SGMS2: variants seen among roughly 807,000 people sequenced by gnomAD.
SGMS2 encodes the protein sphingomyelin synthase 2.
Under a neutral mutation model 43.8 loss-of-function variants are expected in SGMS2, and 21 were observed. The ratio of observed to expected loss-of-function variants is 0.48; its 90% CI spans 0.34 to 0.69. The LOEUF (loss-of-function observed/expected upper bound fraction) is 0.69, where lower values mean the gene tolerates loss of function less well. Among genes scored for constraint, SGMS2 ranks in the 30% least tolerant of loss-of-function variants. The pLI is 0.01. For synonymous variants in SGMS2, 167 were observed against 160.6 expected (o/e 1.04, Z -0.30); for missense variants, 384 against 443.2 (o/e 0.87, Z 1.20).
At chr4:107,863,003 A>T (rs971093562) in intron 2 of SGMS2, among the ~76,000 whole-genome samples, 1 of 152,138 alleles carries the variant, frequency 6.6e-6, no homozygotes, top group South Asian at 2.1e-4. Context: ...GGGGCCAGCT[A>T]ATGTTTGGAA....
chr4:107,868,263 G>T (rs958972567), intron 2 of SGMS2, among the ~76,000 whole-genome samples: 1 of 152,270 alleles, frequency 6.6e-6, no homozygotes, highest in African/African-American at 2.4e-5. Context: ...GCTACACAAA[G>T]TGGTCAACCA....
chr4:107,868,133 A>T (rs1258116389), intron 2 of SGMS2, among the ~76,000 whole-genome samples: 1 of 152,252 alleles, frequency 6.6e-6, no homozygotes, highest in African/African-American at 2.4e-5. Context: ...AAAGCTTAAA[A>T]TAACAACAAA....
chr4:107,897,595 C>A, intron 3 of SGMS2, among the ~76,000 whole-genome samples: 1 of 152,252 alleles, frequency 6.6e-6, no homozygotes, highest in East Asian at 1.9e-4. Flanking sequence ...GTATTTTCAT[C>A]TAGATCCTTT....
chr4:107,900,529 G>A (rs1404030993), intron 4 of SGMS2, among the ~76,000 whole-genome samples: 1 of 152,182 alleles, frequency 6.6e-6, no homozygotes. Context: ...TTAGCAGCTG[G>A]AAAGAGAGAG....
At chr4:107,835,528 C>T (rs1726123020) in intron 1 of SGMS2, among the ~76,000 whole-genome samples, 1 of 152,144 alleles carries the variant, frequency 6.6e-6, no homozygotes, top group Non-Finnish European at 1.5e-5. Flanking sequence ...TTTCTAGGCC[C>T]TTGCTTCTCT....
chr4:107,851,388 A>G (rs1727136369), intron 1 of SGMS2, among the ~76,000 whole-genome samples: 1 of 152,230 alleles, frequency 6.6e-6, no homozygotes, highest in Admixed American at 6.5e-5. Flanking sequence ...GGAGAGAGGA[A>G]AATAAAAACT....
intron 5 of SGMS2, among the ~76,000 whole-genome samples, chr4:107,905,144 TTTA>T (rs1236184797): frequency 3.3e-4 from 50 of 152,188 alleles, no homozygotes; most frequent in Non-Finnish European, 7.1e-4. Flanking sequence ...GACTGGGTAA[TTTA>T]TAAAGAAAAA....
chr4:107,835,458 A>G (rs958634504), intron 1 of SGMS2, among the ~76,000 whole-genome samples: 1 of 152,210 alleles, frequency 6.6e-6, no homozygotes, highest in East Asian at 1.9e-4. Flanking sequence ...CGTTTGAATA[A>G]AAACTCGATG....
At chr4:107,884,024 A>G (rs1038630150) in intron 2 of SGMS2, among the ~76,000 whole-genome samples, 1 of 152,198 alleles carries the variant, frequency 6.6e-6, no homozygotes, top group Non-Finnish European at 1.5e-5. Flanking sequence ...AATTTTTAAT[A>G]TTTTCTACAG....
chr4:107,859,898 T>C (rs1194571478), intron 2 of SGMS2, among the ~76,000 whole-genome samples: 1 of 151,626 alleles, frequency 6.6e-6, no homozygotes, highest in Non-Finnish European at 1.5e-5. Flanking sequence ...TGTGTTAAAA[T>C]AATAAACCAA....
At chr4:107,842,362 G>A (rs1726567347) in intron 1 of SGMS2, among the ~76,000 whole-genome samples, 1 of 152,098 alleles carries the variant, frequency 6.6e-6, no homozygotes, top group East Asian at 1.9e-4. Flanking sequence ...TGGCTAGAGC[G>A]GGAGCAAGAG....
chr4:107,835,543 T>G (rs1317828165), intron 1 of SGMS2, among the ~76,000 whole-genome samples: 1 of 152,228 alleles, frequency 6.6e-6, no homozygotes, highest in Non-Finnish European at 1.5e-5. Context: ...TTCTCTAATT[T>G]AGAAACTTCT....
intron 3 of SGMS2, among the ~76,000 whole-genome samples, chr4:107,897,110 A>G (rs1258022240): frequency 6.6e-6 from 1 of 152,172 alleles, no homozygotes; most frequent in East Asian, 1.9e-4. Context: ...AGAACTCTCA[A>G]TGTGGTATAT....
chr4:107,899,498 A>T, intron 3 of SGMS2, 77 bp from the exon 4 acceptor site: 1 of 958,918 alleles, frequency 1.0e-6, no homozygotes, highest in Non-Finnish European at 1.6e-6. Context: ...TTATCCTGTT[A>T]AACATTGTTT....
chr4:107,898,222 A>C (rs1730831329), intron 3 of SGMS2, among the ~76,000 whole-genome samples: 1 of 151,698 alleles, frequency 6.6e-6, no homozygotes, highest in Non-Finnish European at 1.5e-5. Context: ...TTGGGGATAA[A>C]TAAATACTCT....
intron 1 of SGMS2, among the ~76,000 whole-genome samples, chr4:107,829,781 C>T (rs1214705952): frequency 6.6e-6 from 1 of 152,026 alleles, no homozygotes; most frequent in East Asian, 1.9e-4. Context: ...TGCTATGTTG[C>T]CCAGGCTGGT....
intron 2 of SGMS2, chr4:107,864,381 G>C (rs1335004375): frequency 1.3e-5 from 2 of 152,134 alleles, no homozygotes; most frequent in Non-Finnish European, 2.9e-5. Flanking sequence ...AACTTGCAGA[G>C]TCTCTCTCTC....
Position 107,895,723 on chromosome 4 carries a change from C to T in SGMS2, c.170C>T (p.Pro57Leu), listed in dbSNP as rs373293706. The T allele has an allele frequency of 1.7e-5, 27 of 1,613,896 alleles. No homozygotes were observed. The highest frequency in any genetic ancestry group is 1.3e-4 in the East Asian group (6 of 44,826). ...CTGCGAAAAGGCACCAAAAAGTACC[C>T]GGACTATATCCAAATTGCTATGCCC... ...SGLRKGTKKYPDYIQIAMPTE... is the reference protein window; with the variant it reads ...SGLRKGTKKYLDYIQIAMPTE... The change falls in exon 3 of 7, where the codon CCG becomes CTG. Residue 57 changes from proline (P) to leucine (L), a missense_variant. Pro to Leu is a moderately conservative substitution (Grantham distance 98). Transcript: ENST00000690982.
chr4:107,854,774 T>C (rs892512949), intron 1 of SGMS2, among the ~76,000 whole-genome samples: 1 of 152,148 alleles, frequency 6.6e-6, no homozygotes, highest in Non-Finnish European at 1.5e-5. Flanking sequence ...ACTACAGAAA[T>C]TGTAGAGAGT....
Sources: allele counts gnomAD v4.1 joint callset (sites outside exome capture counted in the v4.1 genomes callset), GRCh38; gene constraint gnomAD v4.1.1; transcripts MANE v1.5; gene names NCBI Gene and HGNC (gene_info 2026-07-23, HGNC 2026-07-21).